KCNMA1: variants seen among roughly 807,000 people sequenced by gnomAD.
KCNMA1 encodes the protein potassium calcium-activated channel subfamily M alpha 1, also known as Calcium-activated potassium channel subunit alpha-1.
KCNMA1 carries 29 observed loss-of-function variants against 140.0 expected under a neutral mutation model. That is an observed-to-expected ratio of 0.21 (90% CI 0.15 to 0.28). The LOEUF (loss-of-function observed/expected upper bound fraction) is 0.28, where lower values mean the gene tolerates loss of function less well. KCNMA1 is among the 10% of genes least tolerant of loss of function. The probability of loss-of-function intolerance (pLI) is 1.00; values close to 1 mark genes in which losing one functional copy is unlikely to be tolerated. For missense variants in KCNMA1, 880 were observed against 1,602.2 expected (o/e 0.55, Z 7.70); for synonymous variants, 612 against 611.9 (o/e 1.00, Z 0.00).
chr10:76,959,387 C>CT (rs747173852), intron 20 of KCNMA1, among the ~76,000 whole-genome samples: 11 of 152,224 alleles, frequency 7.2e-5, no homozygotes, highest in Non-Finnish European at 1.3e-4. Context: ...GCCAAAATGT[C>CT]TGTCTTCAAG....
At chr10:77,082,002 CTTTTCTTTTTTTTTTTTTTTTTTTTTT>C (rs1324218825) in intron 12 of KCNMA1, among the ~76,000 whole-genome samples, 7 of 51,650 alleles carry the variant, frequency 1.4e-4, no homozygotes, top group African/African-American at 3.9e-4. Flanking sequence ...TTCTTTTTTT[CTTTTCTTTTTTTTTTTTTTTTTTTTTT>C]TTTTTTTTTT....
chr10:76,886,890 T>C lies in KCNMA1; in HGVS notation c.*376A>G. ...ACCCAAAGCACCCTGATAATCCTGA[T>C]AAATCAGAATCAACTTTTCTTTTAC... On this transcript the variant is annotated 3_prime_UTR_variant, in exon 28 of 28. Coordinates refer to ENST00000286628, the MANE Select transcript of KCNMA1 (RefSeq NM_001161352.2). The C allele has an allele frequency of 8.9e-7, 1 of 1,127,408 alleles. No individual in the cohort carries two copies. The highest frequency in any genetic ancestry group is 1.1e-6 in the Non-Finnish European group (1 of 913,554). The allele number at this position is 1,127,408 out of a possible 1,614,324, so 69.8% of individuals were successfully genotyped here. A position where few individuals can be genotyped will look rare whatever the true frequency, so the allele number is the denominator to read the frequency against.
At chr10:77,187,411 G>A (rs1026665468) in intron 3 of KCNMA1, among the ~76,000 whole-genome samples, 4 of 152,122 alleles carry the variant, frequency 2.6e-5, no homozygotes, top group Admixed American at 1.3e-4. Context: ...GTTGAAAAAC[G>A]CACCTTAACA....
chr10:77,286,408 A>T (rs1290984736), intron 2 of KCNMA1, among the ~76,000 whole-genome samples: 1 of 152,164 alleles, frequency 6.6e-6, no homozygotes, highest in Non-Finnish European at 1.5e-5. Flanking sequence ...AAGAAAACAT[A>T]ACCCTCTCCT....
intron 15 of KCNMA1, among the ~76,000 whole-genome samples, chr10:77,035,487 T>G (rs760244070): frequency 8.5e-5 from 13 of 152,178 alleles, no homozygotes; most frequent in Non-Finnish European, 1.6e-4. Flanking sequence ...GCAGCCACCC[T>G]AGGGAAACTG....
At chr10:77,177,319 CTTTT>C (rs143774751) in intron 5 of KCNMA1, among the ~76,000 whole-genome samples, 6,509 of 137,756 alleles carry the variant, frequency 0.047, 186 homozygotes, top group East Asian at 0.11. Context: ...TCTTTCCTTC[CTTTT>C]ATTTTCCTTC....
intron 3 of KCNMA1, among the ~76,000 whole-genome samples, chr10:77,204,590 A>C (rs756955568): frequency 1.1e-4 from 16 of 152,164 alleles, no homozygotes; most frequent in Non-Finnish European, 2.2e-4. Context: ...GGAAGAAGAA[A>C]GGGGAAAAAA....
chr10:76,885,335 T>C lies in KCNMA1; in HGVS notation c.*1931A>G. 1 of 980,222 alleles carries C rather than the reference T, an allele frequency of 1.0e-6. No homozygotes were observed. Among genetic ancestry groups the C allele is most frequent in the Non-Finnish European group, 1.2e-6 (1 of 825,722 alleles). The allele number at this position is 980,222 out of a possible 1,614,324, so 60.7% of individuals were successfully genotyped here. ...GACAAAAATAATTTGAAAAAATTCTTCCACTCATAGGGCTTGATAATTTAC... is the reference window on the plus strand; with the variant it reads ...GACAAAAATAATTTGAAAAAATTCTCCCACTCATAGGGCTTGATAATTTAC... On this transcript the variant is annotated 3_prime_UTR_variant, in exon 28 of 28. Coordinates refer to ENST00000286628, the MANE Select transcript of KCNMA1 (RefSeq NM_001161352.2).
intron 2 of KCNMA1, among the ~76,000 whole-genome samples, chr10:77,302,242 G>A (rs1207528167): frequency 1.3e-5 from 2 of 152,176 alleles, no homozygotes; most frequent in Admixed American, 6.5e-5. Flanking sequence ...ATCCAGACCT[G>A]GGAAAGGGGC....
chr10:77,193,632 T>C (rs2154141867), intron 3 of KCNMA1, among the ~76,000 whole-genome samples: 1 of 152,100 alleles, frequency 6.6e-6, no homozygotes, highest in East Asian at 1.9e-4. Context: ...AGGTATGGAG[T>C]GGTTCATGTG....
rs1344987675 is a variant in KCNMA1 at position 77,420,192 on chromosome 10, T to A, written c.379-16169A>T. On this transcript the variant is annotated intron_variant, in intron 1 of 27. Transcript: ENST00000286628. ...AGCCTTCACTGAACTGTCAGGCACA[T>A]GAAGCAATCAGGAGTCTAGATTGAG... is the stretch of plus-strand genomic sequence containing the variant. Among the ~76,000 whole-genome samples, 4 of 152,344 alleles carry A rather than the reference T, an allele frequency of 2.6e-5. No homozygotes were observed. The South Asian group carries it at 8.3e-4, about 32-fold the overall frequency.
chr10:77,585,621 T>C (rs1468838247), intron 1 of KCNMA1, among the ~76,000 whole-genome samples: 1 of 152,230 alleles, frequency 6.6e-6, no homozygotes, highest in Admixed American at 6.5e-5. Context: ...ACATTGTTTG[T>C]ATAAAAATTA....
intron 1 of KCNMA1, among the ~76,000 whole-genome samples, chr10:77,421,390 A>C (rs796134526): frequency 1.3e-5 from 2 of 152,322 alleles, no homozygotes; most frequent in South Asian, 4.1e-4. Context: ...ATAACACTCA[A>C]GGCATTTGCA....
At chr10:77,634,525 C>A (rs1221756149) in intron 1 of KCNMA1, 1 of 984,528 alleles carries the variant, frequency 1.0e-6, no homozygotes, top group Non-Finnish European at 1.2e-6. Context: ...GAGCTCCTTG[C>A]TGAATTTTAT....
intron 25 of KCNMA1, among the ~76,000 whole-genome samples, chr10:76,909,234 G>C (rs1039988549): frequency 6.6e-6 from 1 of 151,970 alleles, no homozygotes; most frequent in Non-Finnish European, 1.5e-5. Flanking sequence ...CCTATTAATT[G>C]TACTGCCCAA....
At chr10:77,042,301 C>T (rs191308126) in intron 14 of KCNMA1, among the ~76,000 whole-genome samples, 81 of 152,164 alleles carry the variant, frequency 5.3e-4, no homozygotes, top group African/African-American at 1.9e-3. Flanking sequence ...TAATTTTTTT[C>T]GAATAAAAGA....
chr10:77,007,940 G>A (rs1410460008), intron 18 of KCNMA1, among the ~76,000 whole-genome samples: 1 of 151,986 alleles, frequency 6.6e-6, no homozygotes, highest in African/African-American at 2.4e-5. Context: ...CCCGAAGCTG[G>A]CCAGAGCCCG....
intron 5 of KCNMA1, among the ~76,000 whole-genome samples, chr10:77,122,409 G>T (rs2097630604): frequency 6.6e-6 from 1 of 152,138 alleles, no homozygotes. Flanking sequence ...GAGACGGGAT[G>T]TTGATGAAAT....
intron 3 of KCNMA1, among the ~76,000 whole-genome samples, chr10:77,194,347 G>C (rs1048088833): frequency 6.6e-6 from 1 of 152,094 alleles, no homozygotes; most frequent in East Asian, 1.9e-4. Flanking sequence ...TCAAAATTCT[G>C]TCTGAGCCTT....
Sources: allele counts gnomAD v4.1 joint callset (sites outside exome capture counted in the v4.1 genomes callset), GRCh38; gene constraint gnomAD v4.1.1; transcripts MANE v1.5; gene names NCBI Gene and HGNC (gene_info 2026-07-23, HGNC 2026-07-21).